Variants in JAZF1 observed in about 807,000 individuals in gnomAD.
The protein encoded by JAZF1 is juxtaposed with another zinc finger protein 1.
A neutral mutation model predicts 26.4 loss-of-function variants in JAZF1; 8 were observed. The ratio of observed to expected loss-of-function variants is 0.30; its 90% CI spans 0.18 to 0.55. The LOEUF (loss-of-function observed/expected upper bound fraction) is 0.55, where lower values mean the gene tolerates loss of function less well. Ranked by LOEUF, JAZF1 falls within the 20% of genes least tolerant of loss-of-function variation. The pLI, the probability that JAZF1 is intolerant of heterozygous loss-of-function variation, is 0.94. For synonymous variants in JAZF1, 126 were observed against 122.3 expected (o/e 1.03, Z -0.20); for missense variants, 199 against 322.0 (o/e 0.62, Z 2.92).
chr7:27,869,488 T>C (rs1783543531), intron 3 of JAZF1, among the ~76,000 whole-genome samples: 1 of 152,090 alleles, frequency 6.6e-6, no homozygotes, highest in African/African-American at 2.4e-5. Flanking sequence ...GGTACAAACA[T>C]CTGCAGCATC....
chr7:27,864,978 C>T (rs1783450201), intron 3 of JAZF1, among the ~76,000 whole-genome samples: 1 of 152,208 alleles, frequency 6.6e-6, no homozygotes, highest in Non-Finnish European at 1.5e-5. Flanking sequence ...TCCCAAACTG[C>T]AGACCGTGAC....
intron 3 of JAZF1, among the ~76,000 whole-genome samples, chr7:27,866,393 T>G (rs1254362472): frequency 6.6e-6 from 1 of 152,170 alleles, no homozygotes; most frequent in Non-Finnish European, 1.5e-5. Context: ...GAGAGGCACT[T>G]GGGAGCAGGC....
chr7:28,000,684 T>C (rs1438411973), intron 1 of JAZF1, among the ~76,000 whole-genome samples: 1 of 148,816 alleles, frequency 6.7e-6, no homozygotes, highest in Non-Finnish European at 1.5e-5. Flanking sequence ...AGTAGTGGGA[T>C]CTCAGCTCAC....
intron 1 of JAZF1, among the ~76,000 whole-genome samples, chr7:28,124,922 CTCTT>C (rs1382632037): frequency 6.6e-6 from 1 of 152,148 alleles, no homozygotes; most frequent in African/African-American, 2.4e-5. Flanking sequence ...AATATACTTT[CTCTT>C]TATAAAAGCA....
intron 2 of JAZF1, among the ~76,000 whole-genome samples, chr7:27,921,183 C>A (rs180923885): frequency 2.8e-4 from 42 of 152,140 alleles, no homozygotes; most frequent in Non-Finnish European, 2.1e-4. Context: ...GTAATGAGTC[C>A]GGACAGAGTC....
intron 2 of JAZF1, among the ~76,000 whole-genome samples, chr7:27,944,186 G>C (rs192949147): frequency 6.6e-6 from 1 of 152,106 alleles, no homozygotes; most frequent in Admixed American, 6.5e-5. Context: ...ACATCTTGCC[G>C]AACCCTTTAG....
At chr7:28,056,519 A>T (rs537329923) in intron 1 of JAZF1, among the ~76,000 whole-genome samples, 1 of 151,976 alleles carries the variant, frequency 6.6e-6, no homozygotes, top group East Asian at 1.9e-4. Context: ...GTATTATCTG[A>T]GTGTGAGCAT....
At chr7:28,137,543 C>T (rs1782903673) in intron 1 of JAZF1, among the ~76,000 whole-genome samples, 1 of 152,328 alleles carries the variant, frequency 6.6e-6, no homozygotes, top group Non-Finnish European at 1.5e-5. Flanking sequence ...GCATTTATCA[C>T]AGGCCTCAAG....
rs74299596 is a variant in JAZF1 at position 28,049,427 on chromosome 7, C to G, written c.116-57446G>C. Among the ~76,000 whole-genome samples the G allele has an allele frequency of 0.027, 4,096 of 152,142 alleles. 299 individuals are homozygous for G. In the East Asian group the frequency reaches 0.31, roughly 11 times the overall value. On this transcript the variant is annotated intron_variant, in intron 1 of 4. Coordinates refer to ENST00000283928, the MANE Select transcript of JAZF1 (RefSeq NM_175061.4). ...TTCTACTACTTCCAGTACTTCACTTCCGACACCAGATGTGTGGGGTTTTCT... is the reference window on the plus strand; with the variant it reads ...TTCTACTACTTCCAGTACTTCACTTGCGACACCAGATGTGTGGGGTTTTCT...
At chr7:27,847,358 T>C (rs1783051024) in intron 3 of JAZF1, among the ~76,000 whole-genome samples, 1 of 152,094 alleles carries the variant, frequency 6.6e-6, no homozygotes, top group Admixed American at 6.6e-5. Flanking sequence ...AAAAATTCAT[T>C]GACAAGGCTA....
chr7:27,850,187 A>T (rs1424437073), intron 3 of JAZF1, among the ~76,000 whole-genome samples: 1 of 152,246 alleles, frequency 6.6e-6, no homozygotes, highest in East Asian at 1.9e-4. Context: ...TTTCTGCCTT[A>T]TAGATTTATC....
intron 1 of JAZF1, among the ~76,000 whole-genome samples, chr7:28,160,159 A>C (rs557786401): frequency 3.3e-5 from 5 of 152,128 alleles, no homozygotes; most frequent in African/African-American, 4.8e-5. Context: ...TGTGGTATTA[A>C]AATCTCATGA....
chr7:28,016,706 C>T (rs916990967), intron 1 of JAZF1, among the ~76,000 whole-genome samples: 1 of 152,230 alleles, frequency 6.6e-6, no homozygotes, highest in Non-Finnish European at 1.5e-5. Context: ...TCTCCCTCCA[C>T]TCCTCAGTGG....
chr7:28,072,976 T>A (rs916856469), intron 1 of JAZF1, among the ~76,000 whole-genome samples: 1 of 152,164 alleles, frequency 6.6e-6, no homozygotes, highest in Non-Finnish European at 1.5e-5. Context: ...CTCACCTTGT[T>A]CCCCTCCTCC....
intron 3 of JAZF1, among the ~76,000 whole-genome samples, chr7:27,884,064 CTCCTGTTCTTCAT>C (rs1181944080): frequency 1.3e-5 from 2 of 152,212 alleles, no homozygotes; most frequent in African/African-American, 4.8e-5. Flanking sequence ...AAGTTGTGGA[CTCCTGTTCTTCAT>C]TCCTGCCTGA....
intron 1 of JAZF1, among the ~76,000 whole-genome samples, chr7:28,004,781 T>G (rs901356238): frequency 1.3e-5 from 2 of 152,168 alleles, no homozygotes; most frequent in African/African-American, 2.4e-5. Flanking sequence ...GTCTCCCAAG[T>G]AGCTGGGATT....
At chr7:28,132,396 G>A (rs534860887) in intron 1 of JAZF1, among the ~76,000 whole-genome samples, 1 of 152,288 alleles carries the variant, frequency 6.6e-6, no homozygotes, top group African/African-American at 2.4e-5. Context: ...TTAAAGACTC[G>A]TGGGAACAAA....
intron 2 of JAZF1, among the ~76,000 whole-genome samples, chr7:27,986,065 T>C (rs13235251): frequency 1.2e-4 from 18 of 152,274 alleles, no homozygotes; most frequent in Non-Finnish European, 2.4e-4. Flanking sequence ...GACAGGGATG[T>C]CCTCTCTCAC....
At chr7:27,899,225 G>C (rs763235570) in intron 2 of JAZF1, among the ~76,000 whole-genome samples, 14 of 152,232 alleles carry the variant, frequency 9.2e-5, no homozygotes, top group Non-Finnish European at 1.0e-4. Context: ...AAAGTGTCTA[G>C]AGAAGCCAAG....
Sources: gnomAD v4.1 joint callset for allele counts (sites outside exome capture counted in the v4.1 genomes callset) on GRCh38, gnomAD v4.1.1 for gene constraint, MANE v1.5 for transcripts, NCBI Gene and HGNC (gene_info 2026-07-23, HGNC 2026-07-21) for gene names.